The following ZDHHC23 variants were observed in gnomAD, a reference collection of about 807,000 sequenced individuals.
ZDHHC23 encodes the protein zDHHC palmitoyltransferase 23, also known as palmitoyltransferase ZDHHC23.
A neutral mutation model predicts 40.2 loss-of-function variants in ZDHHC23; 41 were observed. The ratio of observed to expected loss-of-function variants is 1.02; its 90% confidence interval spans 0.79 to 1.32. ZDHHC23 has a LOEUF of 1.32. Ranked by LOEUF, ZDHHC23 falls within the 40% of genes most tolerant of loss-of-function variation. The pLI is 0.00. For synonymous variants in ZDHHC23, 204 were observed against 210.2 expected (o/e 0.97, Z 0.26); for missense variants, 471 against 541.5 (o/e 0.87, Z 1.29).
At chr3:113,977,617 T>C in the ZDHHC23 span, among the ~76,000 whole-genome samples, 2 of 152,322 alleles carry the variant, frequency 1.3e-5, no homozygotes, top group Non-Finnish European at 2.9e-5. Flanking sequence ...GAAGGCTGCA[T>C]ACTTAGGAGA....
Position 113,958,754 on chromosome 3 carries a change from T to G in ZDHHC23, c.*124T>G. 2 of 1,573,930 alleles carry G rather than the reference T, an allele frequency of 1.3e-6. No individual in the cohort carries two copies. Among genetic ancestry groups the G allele is most frequent in the Non-Finnish European group, 1.7e-6 (2 of 1,164,988 alleles). Reference sequence around the variant, plus strand: ...GGCATTATAGGGCCATGCTCAGGTTTAGAGACTGGAGTGGGAAGAAGTTAA... The same window carrying G: ...GGCATTATAGGGCCATGCTCAGGTTGAGAGACTGGAGTGGGAAGAAGTTAA... On this transcript the variant is annotated 3_prime_UTR_variant, in exon 5 of 5. Coordinates refer to ENST00000638807, the MANE Select transcript of ZDHHC23 (RefSeq NM_001320466.2).
At position 113,948,892 on chromosome 3, in the gene ZDHHC23, T is replaced by A; in HGVS notation, c.90T>A (p.Asp30Glu). The A allele has an allele frequency of 6.2e-7, 1 of 1,614,142 alleles. No homozygotes were observed. ...LEPLCCCEYI[D>E]RNGEKNHVAT... ...CCCTGTGCTGCTGCGAGTACATAGA[T>A]CGGAATGGGGAAAAGAACCACGTGG... is the stretch of plus-strand genomic sequence containing the variant. Residue 30 changes from aspartate (D) to glutamate (E), a missense_variant, in exon 2 of 5, where the codon GAT becomes GAA. Physicochemically the swap from Asp to Glu is conservative, Grantham distance 45 (BLOSUM62 2). This residue lies in a region of ZDHHC23 where 83 missense variants were observed against 67.8 expected (regional missense o/e 1.22). Coordinates refer to ENST00000638807, the MANE Select transcript of ZDHHC23 (RefSeq NM_001320466.2).
the ZDHHC23 span, chr3:113,979,137 A>G: frequency 6.0e-6 from 5 of 829,726 alleles, no homozygotes; most frequent in South Asian, 6.8e-5. Flanking sequence ...CTGAAGGTAC[A>G]TGCAGCCTGT....
chr3:113,956,222 G>T, intron 3 of ZDHHC23, 117 bp from the exon 4 acceptor site: 1 of 1,172,014 alleles, frequency 8.5e-7, no homozygotes, highest in East Asian at 2.4e-5. Flanking sequence ...ACTTTAGCCT[G>T]AACTACAGAG....
chr3:113,953,853 G>A lies in ZDHHC23; in HGVS notation c.315G>A (p.Val105=). 1 of 1,614,104 alleles carries A rather than the reference G, an allele frequency of 6.2e-7. No individual in the cohort carries two copies. The highest frequency in any genetic ancestry group is 8.5e-7 in the Non-Finnish European group (1 of 1,180,014). Residue 105 remains valine, a synonymous_variant, in exon 3 of 5, where the codon GTG becomes GTA. Coordinates refer to ENST00000638807, the MANE Select transcript of ZDHHC23 (RefSeq NM_001320466.2). ...PLVLLPVFLH[V]ASWHFLLGVV... ...TCCTGCTGCCTGTCTTCCTTCATGT[G>A]GCTTCCTGGCATTTCCTCCTGGGGG...
At chr3:113,976,952 C>T in the ZDHHC23 span, among the ~76,000 whole-genome samples, 1 of 152,152 alleles carries the variant, frequency 6.6e-6, no homozygotes, top group South Asian at 2.1e-4. Flanking sequence ...ATCTGTTTTC[C>T]CACTCCACTG....
At chr3:113,974,742 T>C in the ZDHHC23 span, among the ~76,000 whole-genome samples, 2 of 152,232 alleles carry the variant, frequency 1.3e-5, no homozygotes, top group African/African-American at 4.8e-5. Context: ...AGAGATTGTT[T>C]GTAATTTACC....
chr3:113,953,973 A>G lies in ZDHHC23; in HGVS notation c.435A>G (p.Gly145=). The G allele has an allele frequency of 3.7e-6, 6 of 1,613,934 alleles. No homozygotes were observed. The highest frequency in any genetic ancestry group is 5.1e-6 in the Non-Finnish European group (6 of 1,180,008). The part of the protein sequence containing the change: ...KEQTLFFLSL[G]LFSLGYMYYV... ...AGACCCTGTTTTTCCTGAGCCTTGG[A>G]CTGTTCTCTCTGGGCTACATGTACT... is the stretch of plus-strand genomic sequence containing the variant. The change falls in exon 3 of 5, where the codon GGA becomes GGG. Residue 145 remains glycine, a synonymous_variant. Transcript: ENST00000638807.
Position 113,961,027 on chromosome 3 carries a change from C to T in ZDHHC23, c.*2397C>T. ...TGATCTGGAACTATTTGAGGGGTTT[C>T]ATTATAGGCCTTGGTTCTCTCCAGG... is the stretch of plus-strand genomic sequence containing the variant. On this transcript the variant is annotated 3_prime_UTR_variant, in exon 5 of 5. Transcript: ENST00000638807. 1 of 353,550 alleles carries T rather than the reference C, an allele frequency of 2.8e-6. No homozygotes were observed. The highest frequency in any genetic ancestry group is 5.0e-6 in the Non-Finnish European group (1 of 199,274). 21.9% of individuals were successfully genotyped at this position (353,550 alleles called of 1,614,324 possible).
chr3:113,949,776 A>G (rs186282424), intron 2 of ZDHHC23, among the ~76,000 whole-genome samples: 35 of 152,370 alleles, frequency 2.3e-4, no homozygotes, highest in Non-Finnish European at 4.1e-4. Flanking sequence ...TTGTTGACTT[A>G]GAACTTGATA....
chr3:113,962,991 G>A lies in ZDHHC23; in HGVS notation c.*4361G>A, dbSNP rs1416485632. On this transcript the variant is annotated 3_prime_UTR_variant, in exon 5 of 5. Transcript: ENST00000638807. ...GCTTTCTTTAAGGAAAATAGCTGGT[G>A]TTTCTTGGAGTGTCTCCTGAAGTCT... The A allele has an allele frequency of 2.0e-5, 3 of 152,114 alleles. No individual in the cohort carries two copies. The highest frequency in any genetic ancestry group is 2.9e-5 in the Non-Finnish European group (2 of 68,026). The allele number at this position is 152,114 out of a possible 1,614,324, so 9.4% of individuals were successfully genotyped here. A position where few individuals can be genotyped will look rare whatever the true frequency, so the allele number is the denominator to read the frequency against.
chr3:113,953,466 C>A (rs1450068675), intron 2 of ZDHHC23, among the ~76,000 whole-genome samples: 1 of 152,144 alleles, frequency 6.6e-6, no homozygotes. Context: ...TGTGTCTGTA[C>A]CTATGTATTT....
rs529994438 is a variant in ZDHHC23, at chr3:113,962,131, G to A, written c.*3501G>A. The stretch of plus-strand genomic sequence containing the variant: ...CTGTTTGGAATCTGGTTTTCTCAGC[G>A]GCAGCTTGACATGTGCACCCTTTTG... On this transcript the variant is annotated 3_prime_UTR_variant, in exon 5 of 5. Transcript: ENST00000638807. 6.6e-5 allele frequency: 10 copies of A among 152,600 alleles called. No homozygotes were observed. The highest frequency in any genetic ancestry group is 1.0e-4 in the Non-Finnish European group (7 of 68,040). The allele number at this position is 152,600 out of a possible 1,614,324, so 9.5% of individuals were successfully genotyped here.
chr3:113,978,711 CATTT>C, the ZDHHC23 span: 1 of 845,370 alleles, frequency 1.2e-6, no homozygotes, highest in Non-Finnish European at 1.9e-6. Context: ...ACCATTTTCA[CATTT>C]ATTTCAAAGC....
chr3:113,975,819 C>G, the ZDHHC23 span, among the ~76,000 whole-genome samples: 1 of 152,148 alleles, frequency 6.6e-6, no homozygotes, highest in Non-Finnish European at 1.5e-5. Flanking sequence ...AAACAAAAAG[C>G]AAAGTGGGAA....
the ZDHHC23 span, among the ~76,000 whole-genome samples, chr3:113,973,875 C>T: frequency 2.6e-5 from 4 of 151,470 alleles, no homozygotes; most frequent in East Asian, 5.8e-4. Context: ...AAGCTTTCTA[C>T]CCCTTGTTCT....
intron 4 of ZDHHC23, 141 bp downstream of exon 4, chr3:113,956,647 C>A: frequency 1.1e-6 from 1 of 878,364 alleles, no homozygotes. Context: ...CCTGGAATTG[C>A]CAGCAAAATT....
Position 113,960,964 on chromosome 3 carries a change from TGTGACATCTTTG to T in ZDHHC23, c.*2337_*2348del. 1 of 504,368 alleles carries T rather than the reference TGTGACATCTTTG, an allele frequency of 2.0e-6. No individual in the cohort carries two copies. The highest frequency in any genetic ancestry group is 3.3e-6 in the Non-Finnish European group (1 of 305,962). The allele number at this position is 504,368 out of a possible 1,614,324, so 31.2% of individuals were successfully genotyped here. On this transcript the variant is annotated 3_prime_UTR_variant, in exon 5 of 5. Transcript: ENST00000638807. ...TCCATGAGCAGTGTTCTGTAGGCTC[TGTGACATCTTTG>T]GTTTATAGGATTTTGGAGCCTTTTA...
downstream of ZDHHC23, among the ~76,000 whole-genome samples, chr3:113,969,585 G>C (rs1559865704): frequency 6.6e-6 from 1 of 152,104 alleles, no homozygotes; most frequent in Non-Finnish European, 1.5e-5. Flanking sequence ...TGTTTTTCCA[G>C]CACCATTTAT....
Sources: allele counts gnomAD v4.1 joint callset (sites outside exome capture counted in the v4.1 genomes callset), GRCh38; gene constraint gnomAD v4.1.1; regional missense constraint gnomAD v4.1.1; transcripts MANE v1.5; gene names NCBI Gene and HGNC (gene_info 2026-07-23, HGNC 2026-07-21).